GOLM1: variants seen among roughly 807,000 people sequenced by gnomAD.
The protein encoded by GOLM1 is golgi membrane protein 1, also known as epididymis luminal protein 46.
Under a neutral mutation model 50.5 loss-of-function variants are expected in GOLM1, and 31 were observed. The ratio of observed to expected loss-of-function variants is 0.61; its 90% CI spans 0.46 to 0.83. The LOEUF is 0.83. Among genes scored for constraint, GOLM1 ranks in the 40% least tolerant of loss-of-function variants. GOLM1 has a pLI of 0.00. For missense variants in GOLM1, 491 were observed against 501.3 expected (o/e 0.98, Z 0.20); for synonymous variants, 178 against 192.8 (o/e 0.92, Z 0.64).
chr9:86,027,944 G>T (rs1481196776), intron 9 of GOLM1, 51 bp from the exon 10 acceptor site: 1 of 1,085,928 alleles, frequency 9.2e-7, no homozygotes, highest in Non-Finnish European at 1.4e-6. Flanking sequence ...TGAGATACTA[G>T]CCCTAGGCAG....
At chr9:86,097,812 T>C (rs969669564) in intron 1 of GOLM1, among the ~76,000 whole-genome samples, 1 of 152,152 alleles carries the variant, frequency 6.6e-6, no homozygotes, top group East Asian at 1.9e-4. Flanking sequence ...TGGCCATATA[T>C]ATATAAACCC....
chr9:86,088,180 G>A (rs1835036584), intron 1 of GOLM1, among the ~76,000 whole-genome samples: 1 of 151,852 alleles, frequency 6.6e-6, no homozygotes, highest in Non-Finnish European at 1.5e-5. Flanking sequence ...GGGTTTATGT[G>A]TCCAGGAATT....
intron 8 of GOLM1, chr9:86,034,876 A>G (rs116102698): frequency 8.8e-6 from 3 of 340,618 alleles, no homozygotes; most frequent in Non-Finnish European, 1.2e-5. Context: ...CTTTAAAAAG[A>G]AAAGAGTCAA....
At chr9:86,079,147 A>T in intron 2 of GOLM1, 45 bp downstream of exon 2, 1 of 1,463,554 alleles carries the variant, frequency 6.8e-7, no homozygotes, top group Non-Finnish European at 9.1e-7. Flanking sequence ...AAAATAAACA[A>T]AACATAAACA....
chr9:86,093,568 C>CAAAAAA, intron 1 of GOLM1, among the ~76,000 whole-genome samples: 1 of 124,656 alleles, frequency 8.0e-6, no homozygotes, highest in African/African-American at 2.8e-5. Context: ...AGATTTCTGT[C>CAAAAAA]AAAAAAAAAA....
At chr9:86,047,292 C>T (rs1225571749) in intron 4 of GOLM1, among the ~76,000 whole-genome samples, 1 of 152,226 alleles carries the variant, frequency 6.6e-6, no homozygotes, top group Non-Finnish European at 1.5e-5. Context: ...CAGCAGCAGC[C>T]AGGCCCGGAC....
At chr9:86,083,492 C>G (rs1371514221) in intron 1 of GOLM1, among the ~76,000 whole-genome samples, 1 of 152,212 alleles carries the variant, frequency 6.6e-6, no homozygotes, top group Non-Finnish European at 1.5e-5. Flanking sequence ...TCAAAGGATT[C>G]TCCCATCTCA....
intron 1 of GOLM1, among the ~76,000 whole-genome samples, chr9:86,087,836 T>C (rs1477086257): frequency 6.6e-6 from 1 of 152,168 alleles, no homozygotes; most frequent in South Asian, 2.1e-4. Context: ...CTGGATTTGG[T>C]TTGCCAGTAT....
rs1274795767 is a variant in GOLM1, at chr9:86,027,425, A to AC, written c.*391dup. ...TACAGCACGTGGACAGGACGACGGAACCCAGAGTTCTCTGTCTCTCCTTCA... is the reference window on the plus strand; with the variant it reads ...TACAGCACGTGGACAGGACGACGGAACCCCAGAGTTCTCTGTCTCTCCTTCA... On this transcript the variant is annotated 3_prime_UTR_variant, in exon 10 of 10. Transcript: ENST00000388712. The AC allele has an allele frequency of 9.8e-7, 1 of 1,019,666 alleles. No individual in the cohort carries two copies. The allele number at this position is 1,019,666 out of a possible 1,614,324, so 63.2% of individuals were successfully genotyped here.
chr9:86,075,429 G>A (rs1461234843), intron 3 of GOLM1, among the ~76,000 whole-genome samples: 4 of 152,176 alleles, frequency 2.6e-5, no homozygotes, highest in Admixed American at 2.0e-4. Flanking sequence ...TTCATTCTAG[G>A]TTGAGCACTG....
At chr9:86,048,532 CCTG>C (rs1467473228) in intron 4 of GOLM1, among the ~76,000 whole-genome samples, 2 of 152,154 alleles carry the variant, frequency 1.3e-5, no homozygotes, top group East Asian at 3.9e-4. Context: ...CTCTCCAGCA[CCTG>C]TTGTTTCCTG....
At chr9:86,073,487 T>C (rs914818405) in intron 3 of GOLM1, among the ~76,000 whole-genome samples, 2 of 152,216 alleles carry the variant, frequency 1.3e-5, no homozygotes, top group African/African-American at 2.4e-5. Context: ...GAACAGATCA[T>C]TCTGCATCAG....
intron 3 of GOLM1, among the ~76,000 whole-genome samples, chr9:86,062,354 T>C (rs1834184591): frequency 1.3e-5 from 2 of 151,780 alleles, no homozygotes; most frequent in Non-Finnish European, 2.9e-5. Context: ...CAGCATCTCC[T>C]GCACAGGGCA....
intron 3 of GOLM1, among the ~76,000 whole-genome samples, chr9:86,065,419 T>G (rs1051888511): frequency 6.6e-6 from 1 of 152,148 alleles, no homozygotes; most frequent in African/African-American, 2.4e-5. Context: ...TCACAGCGAT[T>G]AAAGGTGATA....
intron 3 of GOLM1, among the ~76,000 whole-genome samples, chr9:86,071,801 A>G (rs1034108563): frequency 9.2e-5 from 14 of 152,262 alleles, no homozygotes; most frequent in African/African-American, 3.4e-4. Flanking sequence ...TAGCTCACTA[A>G]AAGGTCCCAA....
intron 9 of GOLM1, among the ~76,000 whole-genome samples, chr9:86,031,185 G>A (rs1832968254): frequency 6.6e-6 from 1 of 151,922 alleles, no homozygotes; most frequent in Non-Finnish European, 1.5e-5. Flanking sequence ...ACTCCAGCCT[G>A]GGCAACAGAG....
At chr9:86,078,839 T>C (rs113292558) in intron 2 of GOLM1, among the ~76,000 whole-genome samples, 48 of 152,218 alleles carry the variant, frequency 3.2e-4, no homozygotes, top group Non-Finnish European at 5.3e-4. Context: ...CTTCGATATC[T>C]TGGGCGCCGG....
At chr9:86,046,962 T>C (rs1351424861) in intron 4 of GOLM1, among the ~76,000 whole-genome samples, 3 of 141,634 alleles carry the variant, frequency 2.1e-5, no homozygotes, top group Non-Finnish European at 4.4e-5. Context: ...GGCCGACTCA[T>C]CCTTCCATCT....
rs138784236 is a variant in GOLM1 at position 86,036,401 on chromosome 9, G to A, written c.704C>T (p.Thr235Ile). ...AACCACTTCGGAACTGGGGGCTGGT[G>A]TCTGGGACTTGCTGTTACCAAGCAC... is the stretch of plus-strand genomic sequence containing the variant. Reference protein sequence around the residue: ...GNVLGNSKSQTPAPSSEVVLD... With the variant: ...GNVLGNSKSQIPAPSSEVVLD... The change falls in exon 7 of 10, where the codon ACA becomes ATA. Residue 235 changes from threonine to isoleucine, a missense_variant. Transcript: ENST00000388712. The A allele has an allele frequency of 1.7e-4, 273 of 1,614,204 alleles. 1 individual carries two copies. In the African/African-American group the frequency reaches 3.3e-3, roughly 19 times the overall value.
Sources: gnomAD v4.1 joint callset for allele counts (sites outside exome capture counted in the v4.1 genomes callset) on GRCh38, gnomAD v4.1.1 for gene constraint, MANE v1.5 for transcripts, NCBI Gene and HGNC (gene_info 2026-07-23, HGNC 2026-07-21) for gene names.